The following LRRC4C variants were observed in gnomAD, a reference collection of about 807,000 sequenced individuals.
LRRC4C encodes the protein leucine-rich repeat-containing protein 4C.
A neutral mutation model predicts 33.6 loss-of-function variants in LRRC4C; 5 were observed. The ratio of observed to expected loss-of-function variants is 0.15; its 90% CI spans 0.08 to 0.31. The LOEUF (loss-of-function observed/expected upper bound fraction) is 0.31. Among genes scored for constraint, LRRC4C ranks in the 10% least tolerant of loss-of-function variants. The pLI, the probability that LRRC4C is intolerant of heterozygous loss-of-function variation, is 1.00. For synonymous variants in LRRC4C, 329 were observed against 302.0 expected, an observed-to-expected ratio of 1.09 and a Z score of -0.93; for missense variants, 560 against 796.7, an observed-to-expected ratio of 0.70 and a Z score of 3.58.
chr11:40,419,225 A>T (rs186548762), intron 3 of LRRC4C, among the ~76,000 whole-genome samples: 106 of 152,342 alleles, frequency 7.0e-4, no homozygotes, highest in Non-Finnish European at 1.3e-3. Flanking sequence ...CTGAAGTTCC[A>T]GAATTAGAAA....
At chr11:40,291,910 T>G (rs1944223345) in intron 4 of LRRC4C, among the ~76,000 whole-genome samples, 1 of 151,214 alleles carries the variant, frequency 6.6e-6, no homozygotes, top group African/African-American at 2.4e-5. Context: ...CACCCGACAC[T>G]GCAGCGGCTT....
chr11:41,144,726 G>C (rs1361494142), intron 1 of LRRC4C, among the ~76,000 whole-genome samples: 3 of 152,046 alleles, frequency 2.0e-5, no homozygotes, highest in Non-Finnish European at 4.4e-5. Flanking sequence ...TGTATGGAAG[G>C]ATCATTATTT....
At chr11:41,072,380 T>A (rs1375973334) in intron 1 of LRRC4C, among the ~76,000 whole-genome samples, 2 of 134,200 alleles carry the variant, frequency 1.5e-5, no homozygotes, top group African/African-American at 2.8e-5. Flanking sequence ...AAAAAAAAAT[T>A]GTGATCTCCA....
chr11:40,353,866 T>A (rs568396769), intron 3 of LRRC4C, among the ~76,000 whole-genome samples: 9 of 152,358 alleles, frequency 5.9e-5, no homozygotes, highest in African/African-American at 2.2e-4. Flanking sequence ...ATTTATTTCA[T>A]TCAGTGAGGT....
chr11:40,256,001 C>T (rs1045840677), intron 4 of LRRC4C, among the ~76,000 whole-genome samples: 6 of 152,216 alleles, frequency 3.9e-5, no homozygotes, highest in African/African-American at 7.2e-5. Flanking sequence ...AAGCACCATT[C>T]TACTATTCTT....
chr11:41,197,940 C>G (rs1035462771), intron 1 of LRRC4C, among the ~76,000 whole-genome samples: 2 of 151,930 alleles, frequency 1.3e-5, no homozygotes, highest in African/African-American at 2.4e-5. Context: ...ACCACTACCT[C>G]CTCGTCACTG....
At chr11:40,477,231 C>A (rs1419187921) in intron 3 of LRRC4C, among the ~76,000 whole-genome samples, 1 of 152,052 alleles carries the variant, frequency 6.6e-6, no homozygotes. Context: ...TAAATGATAT[C>A]CTTTTAAATG....
Position 40,562,596 on chromosome 11 carries a change from ACT to A in LRRC4C, c.-270+85544_-270+85545del, listed in dbSNP as rs1327873194. On this transcript the variant is annotated intron_variant, in intron 3 of 6. Transcript: ENST00000528697. ...CTAGTGAAACTGAGCTGGAACAGAAACTCTAATCTATTCTATTCGAGACTAGA... is the reference window on the plus strand; with the variant it reads ...CTAGTGAAACTGAGCTGGAACAGAAACTAATCTATTCTATTCGAGACTAGA... Among the ~76,000 whole-genome samples, 12 of 152,198 alleles carry A rather than the reference ACT, an allele frequency of 7.9e-5. No homozygotes were observed. The East Asian group carries it at 2.3e-3, about 29-fold the overall frequency.
intron 3 of LRRC4C, among the ~76,000 whole-genome samples, chr11:40,627,623 T>C (rs769006709): frequency 4.6e-5 from 7 of 152,178 alleles, no homozygotes; most frequent in African/African-American, 1.4e-4. Context: ...AGGTAGCACA[T>C]AGAGAAGAGT....
Position 41,011,799 on chromosome 11 carries a change from TAA to T in LRRC4C, c.-495-78078_-495-78077del, listed in dbSNP as rs56021850. On this transcript the variant is annotated intron_variant, in intron 1 of 6. Transcript: ENST00000528697. ...AAAATCTCTAGTTTGCACTTAAAAT[TAA>T]AAAAAAAATCATTCTATGTTATATA... 5.0e-3 allele frequency among the ~76,000 whole-genome samples: 713 copies of T among 142,324 alleles called. 6 individuals are homozygous for T. The highest frequency in any genetic ancestry group is 0.018 in the African/African-American group (682 of 38,618). The allele number at this position is 142,324 out of a possible 152,430, so 93.4% of individuals were successfully genotyped here.
chr11:40,871,918 G>A (rs1954669736), intron 2 of LRRC4C, among the ~76,000 whole-genome samples: 1 of 152,148 alleles, frequency 6.6e-6, no homozygotes, highest in Non-Finnish European at 1.5e-5. Flanking sequence ...TGGTGGTATT[G>A]AATATGTGCC....
At chr11:41,156,029 T>C (rs1340620627) in intron 1 of LRRC4C, among the ~76,000 whole-genome samples, 1 of 152,142 alleles carries the variant, frequency 6.6e-6, no homozygotes, top group Non-Finnish European at 1.5e-5. Context: ...AACAGATTTT[T>C]CTGTTTTGTT....
intron 1 of LRRC4C, among the ~76,000 whole-genome samples, chr11:41,180,707 T>C (rs1371224133): frequency 6.6e-6 from 1 of 152,192 alleles, no homozygotes; most frequent in Admixed American, 6.5e-5. Flanking sequence ...AGGGCTGAGC[T>C]GGTGTCTCAT....
chr11:40,801,178 A>C (rs1468317185), intron 2 of LRRC4C, among the ~76,000 whole-genome samples: 1 of 152,196 alleles, frequency 6.6e-6, no homozygotes, highest in African/African-American at 2.4e-5. Flanking sequence ...CTTCCCTCTT[A>C]TTAAAATTAC....
At chr11:40,165,715 G>A (rs1859534115) in intron 5 of LRRC4C, among the ~76,000 whole-genome samples, 2 of 152,312 alleles carry the variant, frequency 1.3e-5, no homozygotes, top group African/African-American at 2.4e-5. Flanking sequence ...GGAGGCCAAG[G>A]TGGGTGGATC....
intron 3 of LRRC4C, among the ~76,000 whole-genome samples, chr11:40,620,217 T>C (rs751125181): frequency 6.6e-6 from 1 of 151,774 alleles, no homozygotes; most frequent in Non-Finnish European, 1.5e-5. Context: ...TGACCTCTTC[T>C]ATGCTTTCCA....
chr11:40,158,957 T>C (rs1858933639), intron 5 of LRRC4C, among the ~76,000 whole-genome samples: 1 of 152,156 alleles, frequency 6.6e-6, no homozygotes, highest in Non-Finnish European at 1.5e-5. Context: ...TCACTCATGA[T>C]TTTTTTCTTA....
intron 3 of LRRC4C, among the ~76,000 whole-genome samples, chr11:40,389,222 A>C (rs1949238267): frequency 1.3e-5 from 2 of 152,138 alleles, no homozygotes; most frequent in Admixed American, 1.3e-4. Context: ...ACTTGGGAGA[A>C]GTTACTGGAG....
chr11:40,435,584 T>C (rs1951109187), intron 3 of LRRC4C, among the ~76,000 whole-genome samples: 1 of 152,160 alleles, frequency 6.6e-6, no homozygotes, highest in Admixed American at 6.5e-5. Flanking sequence ...GACTTTGGCC[T>C]CTACTTCAAA....
Sources: allele counts gnomAD v4.1 joint callset (sites outside exome capture counted in the v4.1 genomes callset), GRCh38; gene constraint gnomAD v4.1.1; transcripts MANE v1.5; gene names NCBI Gene and HGNC (gene_info 2026-07-23, HGNC 2026-07-21).